FAM149A: variants seen among roughly 807,000 people sequenced by gnomAD.
FAM149A encodes the protein protein FAM149A.
In FAM149A, 71 loss-of-function variants were observed where a neutral mutation model predicts 78.2. The ratio of observed to expected loss-of-function variants is 0.91; its 90% CI spans 0.75 to 1.11. FAM149A has a LOEUF of 1.11. FAM149A is among the 50% of genes least tolerant of loss of function. The pLI, the probability that FAM149A is intolerant of heterozygous loss-of-function variation, is 0.00. For synonymous variants in FAM149A, 446 were observed against 410.5 expected (o/e 1.09, Z -1.04); for missense variants, 1,036 against 971.0 (o/e 1.07, Z -0.89).
intron 7 of FAM149A, 96 bp downstream of exon 7, chr4:186,156,286 A>G: frequency 2.3e-6 from 2 of 862,944 alleles, no homozygotes; most frequent in Non-Finnish European, 1.8e-6. Context: ...CTAGAACGTG[A>G]CCAGTGAGAA....
chr4:186,169,739 C>G, intron 13 of FAM149A: 3 of 985,358 alleles, frequency 3.0e-6, no homozygotes, highest in Non-Finnish European at 3.6e-6. Flanking sequence ...GTGACCCCCA[C>G]TGGGGGCGTC....
At chr4:186,169,754 G>T (rs1469916964) in intron 13 of FAM149A, 1 of 985,318 alleles carries the variant, frequency 1.0e-6, no homozygotes, top group Admixed American at 6.1e-5. Context: ...GGCGTCCAGA[G>T]GAGTTACATT....
chr4:186,136,990 C>CTCTCTCTCTCTCTCTCTCTT (rs2099323461), intron 1 of FAM149A, among the ~76,000 whole-genome samples: 2 of 92,888 alleles, frequency 2.2e-5, no homozygotes, highest in African/African-American at 3.2e-5. Flanking sequence ...CTCTCTCTCT[C>CTCTCTCTCTCTCTCTCTCTT]TCTCTCTCTC....
At position 186,173,350 on chromosome 4, in the gene FAM149A, T is replaced by A. The variant is rs546728411; in HGVS notation, c.*1363T>A. Among the ~76,000 whole-genome samples, 1 of 110,740 alleles carries A rather than the reference T, an allele frequency of 9.0e-6. No homozygotes were observed. The highest frequency in any genetic ancestry group is 2.2e-4 in the East Asian group (1 of 4,450). The allele number at this position is 110,740 out of a possible 152,430, so 72.6% of individuals were successfully genotyped here. Reference sequence around the variant, plus strand: ...TCCTTGACTTTGCTGACTCCATTTCTTTTTTCTTTTCTTTTTTTTTGAAAC... The same window carrying A: ...TCCTTGACTTTGCTGACTCCATTTCATTTTTCTTTTCTTTTTTTTTGAAAC... On this transcript the variant is annotated 3_prime_UTR_variant, in exon 14 of 14. Transcript: ENST00000389354.
rs775152586 is a variant in FAM149A, at chr4:186,172,089, G to C, written c.*102G>C. ...GTTATATTTATCTGTGTGTCTGACA[G>C]TGTGAGATGTTAGACCGAGAGAAAA... On this transcript the variant is annotated 3_prime_UTR_variant, in exon 14 of 14. Transcript: ENST00000389354. 1 of 1,495,038 alleles carries C rather than the reference G, an allele frequency of 6.7e-7. No individual in the cohort carries two copies. The highest frequency in any genetic ancestry group is 9.0e-7 in the Non-Finnish European group (1 of 1,116,174). The allele number at this position is 1,495,038 out of a possible 1,614,324, so 92.6% of individuals were successfully genotyped here.
intron 1 of FAM149A, among the ~76,000 whole-genome samples, chr4:186,128,854 A>G (rs753597088): frequency 6.6e-6 from 1 of 151,176 alleles, no homozygotes; most frequent in African/African-American, 2.4e-5. Context: ...TGTATGGTGT[A>G]TGCATCTGTA....
At position 186,152,003 on chromosome 4, in the gene FAM149A, T is replaced by G. The variant is rs1235276000; in HGVS notation, c.890T>G (p.Leu297Arg). 1 of 1,614,154 alleles carries G rather than the reference T, an allele frequency of 6.2e-7. No homozygotes were observed. The highest frequency in any genetic ancestry group is 1.7e-5 in the Admixed American group (1 of 60,014). The change falls in exon 4 of 14, where the codon CTG becomes CGG. Residue 297 changes from leucine (L) to arginine (R), a missense_variant. This residue lies in a region of FAM149A where 716 missense variants were observed against 711.8 expected (regional missense o/e 1.01). Transcript: ENST00000389354. ...GTGAACCCTCAGACCCAGAGTCTGC[T>G]GGCCGAATGCGGGGAGTGGACAAGA...
At chr4:186,150,670 C>T (rs1278390038) in intron 3 of FAM149A, among the ~76,000 whole-genome samples, 7 of 147,760 alleles carry the variant, frequency 4.7e-5, no homozygotes, top group African/African-American at 1.2e-4. Flanking sequence ...CCGCCCGTCT[C>T]GGCCTCCCAA....
chr4:186,123,898 T>C, intron 1 of FAM149A: 1 of 919,120 alleles, frequency 1.1e-6, no homozygotes, highest in Non-Finnish European at 1.3e-6. Flanking sequence ...AATAAAACAC[T>C]TTTTGTACAA....
Position 186,112,181 on chromosome 4 carries a change from G to C in FAM149A, c.566+6539G>C, listed in dbSNP as rs890601834. 2.7e-5 allele frequency among the ~76,000 whole-genome samples: 4 copies of C among 149,230 alleles called. No individual in the cohort carries two copies. The Admixed American group carries it at 2.7e-4, about 10-fold the overall frequency. On this transcript the variant is annotated intron_variant, in intron 1 of 13. Transcript: ENST00000389354. ...CAATTGTGAATGGGAGTTCACTCATGATTTGGCTCTCTGTTTGTCTGTTAT... is the reference window on the plus strand; with the variant it reads ...CAATTGTGAATGGGAGTTCACTCATCATTTGGCTCTCTGTTTGTCTGTTAT...
At position 186,105,593 on chromosome 4, in the gene FAM149A, G is replaced by C; in HGVS notation, c.517G>C (p.Asp173His). The change falls in exon 1 of 14, where the codon GAC becomes CAC. Residue 173 changes from aspartate (D) to histidine (H), a missense_variant. By Grantham distance (81) the Asp-to-His change is moderately conservative (BLOSUM62 -1). This residue lies in a region of FAM149A where 316 missense variants were observed against 241.9 expected (regional missense o/e 1.31). Transcript: ENST00000389354. ...CAGAACCCTGTTCCTTACGCTGCCTGACATCGGCGAGGAGGGGGCCTCGGA... is the reference window on the plus strand; with the variant it reads ...CAGAACCCTGTTCCTTACGCTGCCTCACATCGGCGAGGAGGGGGCCTCGGA... The C allele has an allele frequency of 9.5e-7, 1 of 1,057,284 alleles. No individual in the cohort carries two copies. 65.5% of individuals were successfully genotyped at this position (1,057,284 alleles called of 1,614,324 possible). A position where few individuals can be genotyped will look rare whatever the true frequency, so the allele number is the denominator to read the frequency against.
chr4:186,157,869 T>C, intron 8 of FAM149A, 150 bp downstream of exon 8: 1 of 1,542,474 alleles, frequency 6.5e-7, no homozygotes, highest in Non-Finnish European at 8.7e-7. Context: ...CCATGGTAAC[T>C]TAAAGGGAAA....
chr4:186,110,426 G>T, intron 1 of FAM149A: 4 of 655,896 alleles, frequency 6.1e-6, no homozygotes, highest in Admixed American at 6.4e-5. Context: ...TAAGTTTTAG[G>T]GTACATGTGC....
At chr4:186,128,844 T>C (rs887649741) in intron 1 of FAM149A, among the ~76,000 whole-genome samples, 6 of 152,102 alleles carry the variant, frequency 3.9e-5, no homozygotes, top group African/African-American at 1.4e-4. Flanking sequence ...TGTGCATGTG[T>C]GTATGGTGTA....
chr4:186,167,914 AC>A (rs1388965966), intron 13 of FAM149A, among the ~76,000 whole-genome samples: 1 of 152,140 alleles, frequency 6.6e-6, no homozygotes, highest in Admixed American at 6.5e-5. Flanking sequence ...CTCTTTTATA[AC>A]AAGCAGGGTA....
At chr4:186,121,344 C>A (rs2099316000) in intron 1 of FAM149A, among the ~76,000 whole-genome samples, 1 of 152,048 alleles carries the variant, frequency 6.6e-6, no homozygotes, top group Non-Finnish European at 1.5e-5. Flanking sequence ...TAATCCTTGC[C>A]AGGCACTAAT....
At chr4:186,161,480 G>C (rs1243179883) in intron 8 of FAM149A, among the ~76,000 whole-genome samples, 1 of 152,092 alleles carries the variant, frequency 6.6e-6, no homozygotes, top group Non-Finnish European at 1.5e-5. Flanking sequence ...ATTGCTACCT[G>C]CTTATTGTAT....
In FAM149A at chr4:186,156,105, A is replaced by T. The variant is rs1734017407; in HGVS notation, c.1335A>T (p.Ala445=). ...GTGACTGTGTCAAAGATGCCGTGGCAGCAGAAGTGTTTGATCACGTCTGGA... is the reference window on the plus strand; with the variant it reads ...GTGACTGTGTCAAAGATGCCGTGGCTGCAGAAGTGTTTGATCACGTCTGGA... Residue 445 remains alanine, a synonymous_variant, in exon 7 of 14, where the codon GCA becomes GCT. Coordinates refer to ENST00000389354, the MANE Select transcript of FAM149A (RefSeq NM_001367768.3). The T allele has an allele frequency of 6.2e-7, 1 of 1,613,940 alleles. No individual in the cohort carries two copies. The highest frequency in any genetic ancestry group is 1.7e-5 in the Admixed American group (1 of 59,998).
At chr4:186,136,978 C>CTCTCTCTCTCTCTCTCTCTCTCTCTT (rs2099323354) in intron 1 of FAM149A, among the ~76,000 whole-genome samples, 2 of 110,476 alleles carry the variant, frequency 1.8e-5, no homozygotes, top group Middle Eastern at 5.0e-3. Context: ...CTCTCTCTTT[C>CTCTCTCTCTCTCTCTCTCTCTCTCTT]TCTCTCTCTC....
Sources: allele counts gnomAD v4.1 joint callset (sites outside exome capture counted in the v4.1 genomes callset), GRCh38; gene constraint gnomAD v4.1.1; regional missense constraint gnomAD v4.1.1; transcripts MANE v1.5; gene names NCBI Gene and HGNC (gene_info 2026-07-23, HGNC 2026-07-21).